Variants in FAM193B observed in about 807,000 individuals in gnomAD.
FAM193B encodes protein FAM193B.
In FAM193B, 27 loss-of-function variants were observed where a neutral mutation model predicts 70.7. The ratio of observed to expected loss-of-function variants is 0.38; its 90% CI spans 0.28 to 0.53. FAM193B has a LOEUF of 0.53. FAM193B is among the 20% of genes least tolerant of loss of function. The pLI is 0.81. For synonymous variants in FAM193B, 448 were observed against 436.0 expected (o/e 1.03, Z -0.34); for missense variants, 1,022 against 1,072.5 (o/e 0.95, Z 0.66).
intron 4 of FAM193B, among the ~76,000 whole-genome samples, chr5:177,534,187 T>A (rs970140500): frequency 1.3e-5 from 2 of 152,204 alleles, no homozygotes; most frequent in Non-Finnish European, 2.9e-5. Flanking sequence ...ATGCTAAGCA[T>A]GTGACGTGGA....
chr5:177,524,106 T>C, intron 6 of FAM193B, 74 bp from the exon 7 acceptor site: 2 of 1,611,602 alleles, frequency 1.2e-6, no homozygotes, highest in Non-Finnish European at 1.7e-6. Flanking sequence ...GGCAGCGCTG[T>C]CTACACACAA....
chr5:177,532,986 T>C lies in FAM193B; in HGVS notation c.1077-345A>G, dbSNP rs1763717408. Among the ~76,000 whole-genome samples the C allele has an allele frequency of 6.6e-6, 1 of 152,238 alleles. No homozygotes were observed. Among genetic ancestry groups the C allele is most frequent in the Non-Finnish European group, 1.5e-5 (1 of 68,046 alleles). The stretch of plus-strand genomic sequence containing the variant: ...CTGTTTGCGCATTTGTCTCTCAAAC[T>C]GGACTGCACGCCTCAAGGGCAGGGG... On this transcript the variant is annotated intron_variant, in intron 4 of 8. Transcript: ENST00000514747. This position sits in a 1 kb window ranked among gnomAD's most constrained non-coding sequence, Gnocchi z 4.9.
intron 4 of FAM193B, among the ~76,000 whole-genome samples, chr5:177,533,615 T>G (rs1348571284): frequency 6.6e-6 from 1 of 152,138 alleles, no homozygotes; most frequent in Non-Finnish European, 1.5e-5. Flanking sequence ...CTTGGCATAT[T>G]ATTTCTAACC....
At chr5:177,533,537 C>T (rs1377508827) in intron 4 of FAM193B, among the ~76,000 whole-genome samples, 1 of 152,132 alleles carries the variant, frequency 6.6e-6, no homozygotes, top group Non-Finnish European at 1.5e-5. Context: ...GATCTCCTGA[C>T]CTAGTTGATC....
In FAM193B at chr5:177,524,815, G is replaced by A. The variant is rs1256558001; in HGVS notation, c.1666C>T (p.Pro556Ser). 8 of 1,513,258 alleles carry A rather than the reference G, an allele frequency of 5.3e-6. No individual in the cohort carries two copies. The South Asian group carries it at 5.4e-5, about 10-fold the overall frequency. 93.7% of individuals were successfully genotyped at this position (1,513,258 alleles called of 1,614,324 possible). A position where few individuals can be genotyped will look rare whatever the true frequency, so the allele number is the denominator to read the frequency against. ...TGGGGGCCTCTCATTTCTGCCCATG[G>A]TGGGGCTGGCTCGCCTGGAGCTTGT... ...TLQAPGEPAP[P>S]WAEMRGPHPP... The change falls in exon 6 of 9, where the codon CCA becomes TCA. Residue 556 changes from proline (P) to serine (S), a missense_variant. By Grantham distance (74) the Pro-to-Ser change is moderately conservative. Coordinates refer to ENST00000514747, the MANE Select transcript of FAM193B (RefSeq NM_001190946.3).
intron 1 of FAM193B, among the ~76,000 whole-genome samples, chr5:177,540,055 C>T (rs1045279176): frequency 6.6e-6 from 1 of 151,912 alleles, no homozygotes; most frequent in African/African-American, 2.4e-5. Flanking sequence ...GCCTGTAATC[C>T]CAGCACTTTG....
chr5:177,524,160 G>A lies in FAM193B; in HGVS notation c.2296+25C>T, dbSNP rs140445262. On this transcript the variant is annotated intron_variant, in intron 6 of 8. Coordinates refer to ENST00000514747, the MANE Select transcript of FAM193B (RefSeq NM_001190946.3). ...GTGGACTGGCTGGGGTAGGGGGTCA[G>A]CCGCTCAGTTCCTGGTGCACTCACC... 2.5e-3 allele frequency: 3,919 copies of A among 1,584,744 alleles called. 6 individuals are homozygous for A. The highest frequency in any genetic ancestry group is 2.8e-3 in the Non-Finnish European group (3,266 of 1,164,462).
chr5:177,526,825 T>A (rs577656573), intron 5 of FAM193B, among the ~76,000 whole-genome samples: 1 of 152,344 alleles, frequency 6.6e-6, no homozygotes, highest in East Asian at 1.9e-4. Context: ...GTTTCTCAAT[T>A]CCATCTGACA....
At position 177,524,645 on chromosome 5, in the gene FAM193B, T is replaced by G. The variant is rs749372100; in HGVS notation, c.1836A>C (p.Pro612=). 6.2e-6 allele frequency: 10 copies of G among 1,612,618 alleles called. No individual in the cohort carries two copies. Among genetic ancestry groups the G allele is most frequent in the Middle Eastern group, 1.6e-4 (1 of 6,082 alleles). ...TGCAACTGGGAACTTCCTTTGAGCTTGGCTCCTCGGAGCTGGGGTAGCCCG... is the reference window on the plus strand; with the variant it reads ...TGCAACTGGGAACTTCCTTTGAGCTGGGCTCCTCGGAGCTGGGGTAGCCCG... The part of the protein sequence containing the change: ...PKPGYPSSEE[P]SSKEVPSCKQ... The change falls in exon 6 of 9, where the codon CCA becomes CCC. Residue 612 remains proline, a synonymous_variant. Coordinates refer to ENST00000514747, the MANE Select transcript of FAM193B (RefSeq NM_001190946.3).
intron 1 of FAM193B, chr5:177,552,130 A>T (rs1325571638): frequency 1.1e-6 from 1 of 913,366 alleles, no homozygotes; most frequent in Non-Finnish European, 1.3e-6. Context: ...CTGTTTCTTC[A>T]TCTGAAAAAT....
intron 1 of FAM193B, among the ~76,000 whole-genome samples, chr5:177,547,898 C>T (rs557020125): frequency 6.6e-6 from 1 of 152,278 alleles, no homozygotes; most frequent in South Asian, 2.1e-4. Flanking sequence ...CACAACCATG[C>T]AGCTGCTGTG....
intron 7 of FAM193B, 22 bp from the exon 8 acceptor site, chr5:177,522,093 T>A (rs748083483): frequency 3.1e-6 from 5 of 1,592,622 alleles, no homozygotes; most frequent in Middle Eastern, 1.7e-4. Context: ...GGGGGACACA[T>A]GAGAAGCACA....
intron 1 of FAM193B, among the ~76,000 whole-genome samples, chr5:177,549,254 G>A (rs1438441314): frequency 6.8e-6 from 1 of 147,892 alleles, no homozygotes; most frequent in Non-Finnish European, 1.5e-5. Flanking sequence ...GTGCAGTGGC[G>A]CGATCTTGGC....
chr5:177,536,614 G>A lies in FAM193B; in HGVS notation c.820C>T (p.His274Tyr). 2 of 1,557,240 alleles carry A rather than the reference G, an allele frequency of 1.3e-6. No homozygotes were observed. The highest frequency in any genetic ancestry group is 2.4e-5 in the South Asian group (2 of 82,808). Residue 274 changes from histidine (H) to tyrosine (Y), a missense_variant, in exon 4 of 9, where the codon CAC becomes TAC. Coordinates refer to ENST00000514747, the MANE Select transcript of FAM193B (RefSeq NM_001190946.3). ...SHPSSFGSPP[H>Y]PHLLPTTPAA... ...GGGGTGGTGGGCAGCAGGTGTGGGT[G>A]GGGTGGGGAGCCAAAGGAGCTGGGG...
At chr5:177,546,278 G>A (rs1208173244) in intron 1 of FAM193B, among the ~76,000 whole-genome samples, 1 of 152,234 alleles carries the variant, frequency 6.6e-6, no homozygotes, top group Admixed American at 6.5e-5. Context: ...ATTCTATTTA[G>A]TATAGCATCA....
intron 5 of FAM193B, among the ~76,000 whole-genome samples, chr5:177,527,784 G>A (rs999286879): frequency 3.3e-5 from 5 of 152,196 alleles, no homozygotes; most frequent in African/African-American, 9.7e-5. Flanking sequence ...CCAGGCGGGC[G>A]CCCAGTGCTC....
Position 177,536,352 on chromosome 5 carries a change from A to G in FAM193B, c.1076+6T>C. ...AGCGAGTTTGCCCTTCATGCAGCACACTTACCTGTGAGTGCTAGGGAGTGG... is the reference window on the plus strand; with the variant it reads ...AGCGAGTTTGCCCTTCATGCAGCACGCTTACCTGTGAGTGCTAGGGAGTGG... On this transcript the variant is annotated splice_donor_region_variant and intron_variant, in intron 4 of 8. Transcript: ENST00000514747. The G allele has an allele frequency of 1.2e-6, 2 of 1,607,200 alleles. No individual in the cohort carries two copies. Among genetic ancestry groups the G allele is most frequent in the Non-Finnish European group, 1.7e-6 (2 of 1,177,872 alleles).
Position 177,541,520 on chromosome 5 carries a change from G to A in FAM193B, c.211-2373C>T, listed in dbSNP as rs187447346. ...TGCAAGCTCCGCCTCCCAGGTTCAC[G>A]CCATTCTCCTGCCTCAGCCTCCCGA... is the stretch of plus-strand genomic sequence containing the variant. On this transcript the variant is annotated intron_variant, in intron 1 of 8. Transcript: ENST00000514747. Among the ~76,000 whole-genome samples the A allele has an allele frequency of 7.5e-3, 1,144 of 152,184 alleles. 45 individuals carry two copies. Among genetic ancestry groups the A allele is most frequent in the Admixed American group, 0.063 (967 of 15,284 alleles).
intron 5 of FAM193B, among the ~76,000 whole-genome samples, chr5:177,529,563 G>A (rs1763143380): frequency 6.6e-6 from 1 of 152,154 alleles, no homozygotes; most frequent in East Asian, 1.9e-4. Flanking sequence ...TGAGTGAGCA[G>A]AGCCTCCAGA....
Sources: allele counts gnomAD v4.1 joint callset (sites outside exome capture counted in the v4.1 genomes callset), GRCh38; gene constraint gnomAD v4.1.1; non-coding constraint Gnocchi (gnomAD v3.1); transcripts MANE v1.5; gene names NCBI Gene and HGNC (gene_info 2026-07-23, HGNC 2026-07-21).